USP7: variants seen among roughly 807,000 people sequenced by gnomAD.
USP7 encodes the protein ubiquitin C-terminal hydrolase 7.
In USP7, 9 loss-of-function variants were observed where a neutral mutation model predicts 162.9. The ratio of observed to expected loss-of-function variants is 0.06; its 90% CI spans 0.03 to 0.10. The LOEUF (loss-of-function observed/expected upper bound fraction) is 0.10, where lower values mean the gene tolerates loss of function less well. USP7 is among the 10% of genes least tolerant of loss of function. USP7 has a pLI of 1.00. For missense variants in USP7, 715 were observed against 1,373.7 expected, an observed-to-expected ratio of 0.52 and a Z score of 7.58; for synonymous variants, 562 against 475.9, an observed-to-expected ratio of 1.18 and a Z score of -2.35.
chr16:8,920,818 C>T (rs1486106776), intron 4 of USP7, among the ~76,000 whole-genome samples: 1 of 152,176 alleles, frequency 6.6e-6, no homozygotes, highest in African/African-American at 2.4e-5. Flanking sequence ...CTGCAAAAAG[C>T]AGCCAAAGTG....
At chr16:8,896,524 A>G (rs1379717973) in intron 26 of USP7, among the ~76,000 whole-genome samples, 1 of 152,182 alleles carries the variant, frequency 6.6e-6, no homozygotes, top group Admixed American at 6.5e-5. Context: ...GAAATAAACA[A>G]TCAATTCAGG....
rs1426546860 is a variant in USP7 at position 8,901,297 on chromosome 16, A to G, written c.2048-63T>C. The G allele has an allele frequency of 2.6e-6, 3 of 1,156,688 alleles. No homozygotes were observed. In the African/African-American group the frequency reaches 5.9e-5, roughly 23 times the overall value. 71.7% of individuals were successfully genotyped at this position (1,156,688 alleles called of 1,614,324 possible). ...CACTCAGCACAATGCTTAAAAAACA[A>G]AAAAACAAACAAACAAAAAAACGAA... On this transcript the variant is annotated intron_variant, in intron 18 of 30. Coordinates refer to ENST00000344836, the MANE Select transcript of USP7 (RefSeq NM_003470.3).
At chr16:8,926,786 A>C (rs559193421) in intron 2 of USP7, among the ~76,000 whole-genome samples, 3 of 152,180 alleles carry the variant, frequency 2.0e-5, no homozygotes, top group Non-Finnish European at 4.4e-5. Context: ...TCATTACCGC[A>C]TGCTTCTTTT....
chr16:8,915,576 T>A, intron 8 of USP7, 51 bp from the exon 9 acceptor site: 2 of 1,455,344 alleles, frequency 1.4e-6, no homozygotes, highest in Non-Finnish European at 1.9e-6. Context: ...CTTAGTAATA[T>A]ATACAGTAAT....
chr16:8,918,294 C>A (rs1269569221), intron 6 of USP7, among the ~76,000 whole-genome samples: 1 of 152,174 alleles, frequency 6.6e-6, no homozygotes, highest in African/African-American at 2.4e-5. Context: ...ATTTCCTGTA[C>A]TGCTTCATAA....
intron 1 of USP7, among the ~76,000 whole-genome samples, chr16:8,942,093 C>A (rs1899071334): frequency 6.6e-6 from 1 of 152,240 alleles, no homozygotes; most frequent in African/African-American, 2.4e-5. Context: ...CAAACCGCAA[C>A]AGGAACAGGA....
intron 1 of USP7, among the ~76,000 whole-genome samples, chr16:8,937,157 C>T (rs183767239): frequency 7.0e-4 from 106 of 152,200 alleles, no homozygotes; most frequent in African/African-American, 2.5e-3. Context: ...CACTTAGGAC[C>T]CTGAGGCAGG....
intron 1 of USP7, among the ~76,000 whole-genome samples, chr16:8,942,109 G>A (rs945750545): frequency 2.6e-5 from 4 of 152,386 alleles, no homozygotes; most frequent in Middle Eastern, 3.4e-3. Flanking sequence ...CAGGAACAGG[G>A]CAGTGGGAAG....
In USP7 at chr16:8,893,914, G is replaced by A; in HGVS notation, c.*84C>T. 8.3e-7 allele frequency: 1 copy of A among 1,207,504 alleles called. No homozygotes were observed. Among genetic ancestry groups the A allele is most frequent in the Non-Finnish European group, 1.2e-6 (1 of 813,108 alleles). 74.8% of individuals were successfully genotyped at this position (1,207,504 alleles called of 1,614,324 possible). A position where few individuals can be genotyped will look rare whatever the true frequency, so the allele number is the denominator to read the frequency against. On this transcript the variant is annotated 3_prime_UTR_variant, in exon 31 of 31. Transcript: ENST00000344836. ...GCGAATCCTCTTGCTGAAGACTTCG[G>A]CTAGAGGGCACGTGCACCAAAGTTC...
At chr16:8,914,785 G>A (rs528445981) in intron 10 of USP7, among the ~76,000 whole-genome samples, 3 of 152,252 alleles carry the variant, frequency 2.0e-5, no homozygotes, top group African/African-American at 4.8e-5. Flanking sequence ...TGGGTGTGGT[G>A]GCACACGCCT....
intron 1 of USP7, among the ~76,000 whole-genome samples, chr16:8,953,551 C>T (rs1004663860): frequency 2.5e-5 from 3 of 120,724 alleles, no homozygotes; most frequent in Non-Finnish European, 5.7e-5. Flanking sequence ...GTGCCCCATG[C>T]GGCGCCACCG....
At position 8,901,309 on chromosome 16, in the gene USP7, A is replaced by C. The variant is rs933599273; in HGVS notation, c.2048-75T>G. ...TGCTTAAAAAACAAAAAAACAAACAAACAAAAAAACGAAAAAAAAAAAACA... is the reference window on the plus strand; with the variant it reads ...TGCTTAAAAAACAAAAAAACAAACACACAAAAAAACGAAAAAAAAAAAACA... On this transcript the variant is annotated intron_variant, in intron 18 of 30. Coordinates refer to ENST00000344836, the MANE Select transcript of USP7 (RefSeq NM_003470.3). 6.3e-6 allele frequency: 6 copies of C among 954,072 alleles called. No homozygotes were observed. The African/African-American group carries it at 1.4e-4, about 23-fold the overall frequency. The allele number at this position is 954,072 out of a possible 1,614,324, so 59.1% of individuals were successfully genotyped here.
intron 1 of USP7, among the ~76,000 whole-genome samples, chr16:8,948,744 A>G (rs1871210): frequency 0.96 from 146,809 of 152,152 alleles, 70,990 homozygotes; most frequent in Non-Finnish European, 1. Context: ...GGACAACACA[A>G]CGATAAAAGC....
rs147210739 is a variant in USP7 at position 8,924,988 on chromosome 16, G to A, written c.185-1575C>T. On this transcript the variant is annotated intron_variant, in intron 2 of 30. Transcript: ENST00000344836. Reference sequence around the variant, plus strand: ...TCCCCTAATCCTTTTGAGGATAGAAGTCTACTAAAAGGCAAGAAACTTGTT... The same window carrying A: ...TCCCCTAATCCTTTTGAGGATAGAAATCTACTAAAAGGCAAGAAACTTGTT... 1.4e-3 allele frequency among the ~76,000 whole-genome samples: 216 copies of A among 152,322 alleles called. 1 individual carries two copies. Among genetic ancestry groups the A allele is most frequent in the African/African-American group, 5.0e-3 (209 of 41,578 alleles).
chr16:8,931,738 A>G (rs1371896792), intron 1 of USP7, among the ~76,000 whole-genome samples: 1 of 152,212 alleles, frequency 6.6e-6, no homozygotes, highest in African/African-American at 2.4e-5. Flanking sequence ...TCACACTCAC[A>G]CAGGTGGTTA....
intron 20 of USP7, 52 bp from the exon 21 acceptor site, chr16:8,900,682 T>C (rs1245392421): frequency 7.6e-7 from 1 of 1,316,434 alleles, no homozygotes; most frequent in Non-Finnish European, 1.1e-6. Flanking sequence ...TAACGTTTAA[T>C]ATGGCCAGAT....
chr16:8,902,719 C>A (rs1331983560), intron 16 of USP7, among the ~76,000 whole-genome samples: 1 of 152,046 alleles, frequency 6.6e-6, no homozygotes, highest in Non-Finnish European at 1.5e-5. Context: ...GAACTCTCGT[C>A]TCTACTAAAA....
intron 2 of USP7, among the ~76,000 whole-genome samples, chr16:8,925,466 G>C (rs1044537412): frequency 7.2e-5 from 11 of 152,196 alleles, no homozygotes; most frequent in African/African-American, 2.7e-4. Flanking sequence ...GCTCTTTACA[G>C]GGTTTGATTT....
rs1443172181 is a variant in USP7 at position 8,939,970 on chromosome 16, T to C, written c.80-9573A>G. On this transcript the variant is annotated intron_variant, in intron 1 of 30. Transcript: ENST00000344836. Reference sequence around the variant, plus strand: ...AAAATTAGCCAAGCATGGTGGCACATGCCTGTAATCCAAGCTACTTGGGAG... The same window carrying C: ...AAAATTAGCCAAGCATGGTGGCACACGCCTGTAATCCAAGCTACTTGGGAG... Among the ~76,000 whole-genome samples, 4 of 152,146 alleles carry C rather than the reference T, an allele frequency of 2.6e-5. No homozygotes were observed. The East Asian group carries it at 7.7e-4, about 29-fold the overall frequency.
Sources: gnomAD v4.1 joint callset for allele counts (sites outside exome capture counted in the v4.1 genomes callset) on GRCh38, gnomAD v4.1.1 for gene constraint, MANE v1.5 for transcripts, NCBI Gene and HGNC (gene_info 2026-07-23, HGNC 2026-07-21) for gene names.